CCDC85A: variants seen among roughly 807,000 people sequenced by gnomAD.
The protein encoded by CCDC85A is coiled-coil domain containing 85A, also known as coiled-coil domain-containing protein 85A.
A neutral mutation model predicts 50.2 loss-of-function variants in CCDC85A; 38 were observed. The ratio of observed to expected loss-of-function variants is 0.76; its 90% confidence interval spans 0.58 to 0.99. CCDC85A has a LOEUF of 0.99. Among genes scored for constraint, CCDC85A ranks in the 50% least tolerant of loss-of-function variants. The pLI, the probability that CCDC85A is intolerant of heterozygous loss-of-function variation, is 0.00. For missense variants in CCDC85A, 820 were observed against 742.0 expected, an observed-to-expected ratio of 1.11 and a Z score of -1.22; for synonymous variants, 366 against 301.4, an observed-to-expected ratio of 1.21 and a Z score of -2.22.
intron 3 of CCDC85A, among the ~76,000 whole-genome samples, chr2:56,359,356 A>C: frequency 6.6e-6 from 1 of 152,208 alleles, no homozygotes; most frequent in East Asian, 1.9e-4. Context: ...AGATCCTCCC[A>C]TATAGAAGGG....
chr2:56,217,745 A>T lies in CCDC85A; in HGVS notation c.1240+24305A>T, dbSNP rs554498047. ...TGTTGATTTTCCTTCTAAAAGCTTG[A>T]TGTAGTGTGTCTTAATTATGTAGGA... is the stretch of plus-strand genomic sequence containing the variant. On this transcript the variant is annotated intron_variant, in intron 2 of 5. Coordinates refer to ENST00000407595, the MANE Select transcript of CCDC85A (RefSeq NM_001080433.2). Among the ~76,000 whole-genome samples, 30 of 151,958 alleles carry T rather than the reference A, an allele frequency of 2.0e-4. No homozygotes were observed. The South Asian group carries it at 4.4e-3, about 22-fold the overall frequency.
chr2:56,382,845 A>G (rs1424854355), intron 5 of CCDC85A, among the ~76,000 whole-genome samples: 2 of 151,940 alleles, frequency 1.3e-5, no homozygotes, highest in Non-Finnish European at 2.9e-5. Context: ...CCTTAAGTCT[A>G]CCCTCTGCTT....
intron 3 of CCDC85A, among the ~76,000 whole-genome samples, chr2:56,350,621 A>G (rs1558653812): frequency 6.6e-6 from 1 of 152,144 alleles, no homozygotes; most frequent in Non-Finnish European, 1.5e-5. Flanking sequence ...GCTTGTAAAG[A>G]TGCTGTGATT....
chr2:56,225,271 A>C (rs1668495549), intron 2 of CCDC85A, among the ~76,000 whole-genome samples: 1 of 152,110 alleles, frequency 6.6e-6, no homozygotes, highest in Non-Finnish European at 1.5e-5. Context: ...AAAATTATAT[A>C]AACAACTAGC....
chr2:56,339,083 G>A (rs1331816544), intron 2 of CCDC85A, among the ~76,000 whole-genome samples: 1 of 152,174 alleles, frequency 6.6e-6, no homozygotes, highest in Non-Finnish European at 1.5e-5. Flanking sequence ...ATCTAATAGG[G>A]AATGTGTGTT....
At position 56,184,019 on chromosome 2, in the gene CCDC85A, CT is replaced by C; in HGVS notation, c.-603del. On this transcript the variant is annotated 5_prime_UTR_variant, in exon 1 of 6. Coordinates refer to ENST00000407595, the MANE Select transcript of CCDC85A (RefSeq NM_001080433.2). Reference sequence around the variant, plus strand: ...TCGACTCCGCTCTGCAAATCGAAGGCTTTCCGGAGCAGCCTAGGAGCGGCCG... The same window carrying C: ...TCGACTCCGCTCTGCAAATCGAAGGCTTCCGGAGCAGCCTAGGAGCGGCCG... 1.0e-6 allele frequency: 1 copy of C among 985,552 alleles called. No homozygotes were observed. Among genetic ancestry groups the C allele is most frequent in the African/African-American group, 1.7e-5 (1 of 57,370 alleles). The allele number at this position is 985,552 out of a possible 1,614,324, so 61.1% of individuals were successfully genotyped here.
chr2:56,323,166 G>T (rs751278758), intron 2 of CCDC85A, among the ~76,000 whole-genome samples: 12 of 152,078 alleles, frequency 7.9e-5, no homozygotes, highest in Non-Finnish European at 1.8e-4. Context: ...AGCGGGGAGG[G>T]ATAGCATTAG....
intron 2 of CCDC85A, among the ~76,000 whole-genome samples, chr2:56,303,018 C>G (rs7572217): frequency 0.019 from 2,877 of 152,246 alleles, 105 homozygotes; most frequent in African/African-American, 0.066. Context: ...CAGGTCGAGC[C>G]AGGTTTCTGG....
rs114950448 is a variant in CCDC85A, at chr2:56,346,686, A to G, written c.1317+3731A>G. 2.8e-3 allele frequency among the ~76,000 whole-genome samples: 429 copies of G among 152,358 alleles called. 2 individuals are homozygous for G. The highest frequency in any genetic ancestry group is 0.01 in the African/African-American group (416 of 41,586). On this transcript the variant is annotated intron_variant, in intron 3 of 5. Transcript: ENST00000407595. Reference sequence around the variant, plus strand: ...AATGCTGCATTATGTGCTAGTTATTATTATTGAGAAGAAAATGCCTCTTCA... The same window carrying G: ...AATGCTGCATTATGTGCTAGTTATTGTTATTGAGAAGAAAATGCCTCTTCA...
intron 2 of CCDC85A, among the ~76,000 whole-genome samples, chr2:56,220,312 A>G (rs1668271233): frequency 6.6e-6 from 1 of 152,050 alleles, no homozygotes; most frequent in African/African-American, 2.4e-5. Flanking sequence ...TAAATCAGGT[A>G]TACTACACAT....
At chr2:56,348,274 C>G (rs1674729994) in intron 3 of CCDC85A, among the ~76,000 whole-genome samples, 1 of 152,140 alleles carries the variant, frequency 6.6e-6, no homozygotes, top group Non-Finnish European at 1.5e-5. Context: ...CAGAACAAAC[C>G]ATCCACCTCT....
At chr2:56,239,646 C>T (rs1237869466) in intron 2 of CCDC85A, among the ~76,000 whole-genome samples, 1 of 152,040 alleles carries the variant, frequency 6.6e-6, no homozygotes, top group African/African-American at 2.4e-5. Flanking sequence ...TTTTGCTTTG[C>T]TAAGGGGGTT....
intron 2 of CCDC85A, among the ~76,000 whole-genome samples, chr2:56,194,616 C>T (rs1020995459): frequency 1.4e-4 from 22 of 152,174 alleles, no homozygotes; most frequent in Non-Finnish European, 2.9e-4. Flanking sequence ...TCCATTTTAT[C>T]CTAATCCTTT....
chr2:56,319,036 G>A (rs1429888441), intron 2 of CCDC85A, among the ~76,000 whole-genome samples: 1 of 152,084 alleles, frequency 6.6e-6, no homozygotes, highest in Non-Finnish European at 1.5e-5. Context: ...GCAGAGTAAA[G>A]CAAGCAACCA....
At chr2:56,313,360 A>G (rs953580290) in intron 2 of CCDC85A, among the ~76,000 whole-genome samples, 19 of 152,156 alleles carry the variant, frequency 1.2e-4, no homozygotes, top group Non-Finnish European at 1.0e-4. Context: ...TATAGTCCTT[A>G]TAGTACCTGG....
At chr2:56,270,377 G>A (rs1232470914) in intron 2 of CCDC85A, among the ~76,000 whole-genome samples, 1 of 152,176 alleles carries the variant, frequency 6.6e-6, no homozygotes, top group Non-Finnish European at 1.5e-5. Context: ...AGTCAGTCAT[G>A]TAGAATGTTG....
At chr2:56,266,581 C>CG (rs1553401996) in intron 2 of CCDC85A, among the ~76,000 whole-genome samples, 1 of 118,056 alleles carries the variant, frequency 8.5e-6, no homozygotes, top group African/African-American at 3.2e-5. Context: ...ATAACGCGCC[C>CG]CCCCCCCCCA....
intron 3 of CCDC85A, among the ~76,000 whole-genome samples, chr2:56,350,039 A>G (rs1034152078): frequency 6.6e-6 from 1 of 151,584 alleles, no homozygotes; most frequent in African/African-American, 2.4e-5. Context: ...AAGAGAAGCT[A>G]ATGTTGCCTT....
At chr2:56,285,566 T>TATAATATAATTA (rs1018184184) in intron 2 of CCDC85A, among the ~76,000 whole-genome samples, 13 of 145,696 alleles carry the variant, frequency 8.9e-5, no homozygotes, top group Non-Finnish European at 1.8e-4. Flanking sequence ...TAATATATAA[T>TATAATATAATTA]ATAATATAAT....
Sources: gnomAD v4.1 joint callset for allele counts (sites outside exome capture counted in the v4.1 genomes callset) on GRCh38, gnomAD v4.1.1 for gene constraint, MANE v1.5 for transcripts, NCBI Gene and HGNC (gene_info 2026-07-23, HGNC 2026-07-21) for gene names.